The following CCAR2 variants were observed in gnomAD, a reference collection of about 807,000 sequenced individuals.
The protein encoded by CCAR2 is cell cycle and apoptosis regulator 2.
CCAR2 carries 21 observed loss-of-function variants against 108.1 expected under a neutral mutation model. The ratio of observed to expected loss-of-function variants is 0.19; its 90% confidence interval spans 0.14 to 0.28. The LOEUF is 0.28. Among genes scored for constraint, CCAR2 ranks in the 10% least tolerant of loss-of-function variants. The pLI is 1.00. For synonymous variants in CCAR2, 577 were observed against 472.8 expected, an observed-to-expected ratio of 1.22 and a Z score of -2.86; for missense variants, 1,126 against 1,177.0, an observed-to-expected ratio of 0.96 and a Z score of 0.63.
chr8:22,617,456 G>T lies in CCAR2; in HGVS notation c.1882G>T (p.Gly628Trp), dbSNP rs1208715092. Residue 628 changes from glycine (G) to tryptophan (W), a missense_variant, in exon 15 of 21, where the codon GGG becomes TGG. Physicochemically the swap from Gly to Trp is radical, Grantham distance 184. Coordinates refer to ENST00000308511, the MANE Select transcript of CCAR2 (RefSeq NM_001393997.1). The stretch of plus-strand genomic sequence containing the variant: ...GCTTTTGCCCAAACCACTCTCTTCT[G>T]GGGGAGAGGAAGAAGAAAAACCCCG... The part of the protein sequence containing the change: ...DGLLPKPLSS[G>W]GEEEEKPRGE... The T allele has an allele frequency of 6.3e-7, 1 of 1,597,726 alleles. No homozygotes were observed. Among genetic ancestry groups the T allele is most frequent in the Non-Finnish European group, 8.5e-7 (1 of 1,172,378 alleles).
rs36086286 is a variant in CCAR2, at chr8:22,616,866, C to CTT, written c.1846-525_1846-524dup. On this transcript the variant is annotated intron_variant, in intron 14 of 20. Coordinates refer to ENST00000308511, the MANE Select transcript of CCAR2 (RefSeq NM_001393997.1). ...AAACCTTTTCTAAAATACTAGTCTG[C>CTT]TTTTTTTTTTTTTTTTTTTTTTTTT... 9.6e-3 allele frequency among the ~76,000 whole-genome samples: 528 copies of CTT among 54,732 alleles called. 130 individuals carry two copies. Among genetic ancestry groups the CTT allele is most frequent in the East Asian group, 0.019 (29 of 1,548 alleles). 35.9% of individuals were successfully genotyped at this position (54,732 alleles called of 152,430 possible).
chr8:22,615,125 C>T (rs952551858), intron 11 of CCAR2, 124 bp downstream of exon 11: 9 of 1,282,904 alleles, frequency 7.0e-6, no homozygotes, highest in Admixed American at 5.7e-5. Context: ...GTTCCTTCCC[C>T]CTCTGGTGCC....
chr8:22,612,317 G>C (rs1442185048), intron 7 of CCAR2, among the ~76,000 whole-genome samples: 1 of 151,034 alleles, frequency 6.6e-6, no homozygotes, highest in Non-Finnish European at 1.5e-5. Context: ...CACCAGGCTG[G>C]AGTGCAGTGG....
chr8:22,607,530 C>T (rs141530553), intron 6 of CCAR2, among the ~76,000 whole-genome samples: 1,626 of 147,074 alleles, frequency 0.011, 33 homozygotes, highest in East Asian at 0.063. Flanking sequence ...TGCAATGACA[C>T]GATCTCGGCT....
In CCAR2 at chr8:22,606,086, C is replaced by A. The variant is rs202154543; in HGVS notation, c.60C>A (p.Gly20=). The A allele has an allele frequency of 5.0e-6, 8 of 1,613,408 alleles. No homozygotes were observed. Among genetic ancestry groups the A allele is most frequent in the Non-Finnish European group, 6.8e-6 (8 of 1,179,430 alleles). ...GAGATTGCTTCTCTTTCCCCATAGG[C>A]ACAGCTTCAACATCTCTTCTGGGCC... The part of the protein sequence containing the change: ...NPLPGGRNFS[G]TASTSLLGPP... Residue 20 remains glycine, a splice_region_variant and synonymous_variant, in exon 3 of 21, where the codon GGC becomes GGA. Coordinates refer to ENST00000308511, the MANE Select transcript of CCAR2 (RefSeq NM_001393997.1).
rs1212285193 is a variant in CCAR2 at position 22,616,032 on chromosome 8, G to A, written c.1629G>A (p.Leu543=). The A allele has an allele frequency of 1.2e-6, 2 of 1,613,962 alleles. No homozygotes were observed. The highest frequency in any genetic ancestry group is 2.7e-5 in the African/African-American group (2 of 74,904). The change falls in exon 14 of 21, where the codon CTG becomes CTA. Residue 543 remains leucine, a synonymous_variant. Transcript: ENST00000308511. ...ATCAGGTGATGGTGCTGGCCGAGCT[G>A]TTTCTGGAGATGCTCCAGAGGGATT... is the stretch of plus-strand genomic sequence containing the variant. ...ISFEVMVLAE[L]FLEMLQRDFG...
At position 22,613,262 on chromosome 8, in the gene CCAR2, A is replaced by T. The variant is rs532272329; in HGVS notation, c.704+126A>T. ...CCTTTTCTTACAAAACGAAAAGCAC[A>T]TGGAAACCTGTTGTACATACTGTTT... On this transcript the variant is annotated intron_variant, in intron 8 of 20. Coordinates refer to ENST00000308511, the MANE Select transcript of CCAR2 (RefSeq NM_001393997.1). The T allele has an allele frequency of 6.6e-6, 7 of 1,058,078 alleles. No homozygotes were observed. In the African/African-American group the frequency reaches 1.1e-4, roughly 17 times the overall value. 65.5% of individuals were successfully genotyped at this position (1,058,078 alleles called of 1,614,324 possible). A position where few individuals can be genotyped will look rare whatever the true frequency, so the allele number is the denominator to read the frequency against.
chr8:22,610,590 A>G (rs1801234422), intron 7 of CCAR2, among the ~76,000 whole-genome samples: 1 of 152,228 alleles, frequency 6.6e-6, no homozygotes, highest in South Asian at 2.1e-4. Context: ...TGGGTCTTCT[A>G]TTAGAAACAT....
At chr8:22,610,357 T>A (rs6986550) in intron 7 of CCAR2, among the ~76,000 whole-genome samples, 62,624 of 152,132 alleles carry the variant, frequency 0.41, 13,824 homozygotes, top group African/African-American at 0.57. Flanking sequence ...TCCATTGAGC[T>A]GCTACTGCTG....
At chr8:22,617,167 T>TATCA (rs1177000795) in intron 14 of CCAR2, among the ~76,000 whole-genome samples, 2 of 152,000 alleles carry the variant, frequency 1.3e-5, no homozygotes, top group Non-Finnish European at 2.9e-5. Flanking sequence ...GTTTAAATAC[T>TATCA]ATCAATCAAA....
downstream of CCAR2, chr8:22,621,475 TCTCCCG>T (rs767672797): frequency 5.0e-6 from 8 of 1,613,748 alleles, no homozygotes; most frequent in Admixed American, 3.3e-5. Context: ...TTGGCCTCGT[TCTCCCG>T]CTCCCGCTGC....
chr8:22,608,671 C>G (rs944981493), intron 7 of CCAR2, among the ~76,000 whole-genome samples: 1 of 152,160 alleles, frequency 6.6e-6, no homozygotes, highest in African/African-American at 2.4e-5. Flanking sequence ...CATGCTGTCC[C>G]GTCTTCTCTC....
At position 22,619,187 on chromosome 8, in the gene CCAR2, C is replaced by T. The variant is rs1801650729; in HGVS notation, c.2559C>T (p.Thr853=). ...SHNRFSATEV[T]NKTLAAEMQE... The stretch of plus-strand genomic sequence containing the variant: ...ACCGTTTCTCAGCCACTGAAGTAAC[C>T]AATAAGACGCTGGCGGCAGAGATGC... The change falls in exon 20 of 21, where the codon ACC becomes ACT. Residue 853 remains threonine, a synonymous_variant. Coordinates refer to ENST00000308511, the MANE Select transcript of CCAR2 (RefSeq NM_001393997.1). 1 of 1,596,350 alleles carries T rather than the reference C, an allele frequency of 6.3e-7. No homozygotes were observed. The highest frequency in any genetic ancestry group is 1.1e-5 in the South Asian group (1 of 89,250).
At position 22,617,414 on chromosome 8, in the gene CCAR2, C is replaced by G; in HGVS notation, c.1846-6C>G. 1 of 1,531,428 alleles carries G rather than the reference C, an allele frequency of 6.5e-7. No homozygotes were observed. The highest frequency in any genetic ancestry group is 2.3e-5 in the East Asian group (1 of 44,128). 94.9% of individuals were successfully genotyped at this position (1,531,428 alleles called of 1,614,324 possible). A position where few individuals can be genotyped will look rare whatever the true frequency, so the allele number is the denominator to read the frequency against. On this transcript the variant is annotated splice_region_variant and splice_polypyrimidine_tract_variant and intron_variant, in intron 14 of 20. Coordinates refer to ENST00000308511, the MANE Select transcript of CCAR2 (RefSeq NM_001393997.1). Reference sequence around the variant, plus strand: ...TTTTCCTTATAACCTTTGTCTGCCTCTGTAGAAGGAGGATGGGCTTTTGCC... The same window carrying G: ...TTTTCCTTATAACCTTTGTCTGCCTGTGTAGAAGGAGGATGGGCTTTTGCC...
At position 22,614,465 on chromosome 8, in the gene CCAR2, C is replaced by T. The variant is rs866988858; in HGVS notation, c.1003C>T (p.Pro335Ser). The T allele has an allele frequency of 6.2e-7, 1 of 1,614,138 alleles. No individual in the cohort carries two copies. The highest frequency in any genetic ancestry group is 1.3e-5 in the African/African-American group (1 of 75,034). The stretch of plus-strand genomic sequence containing the variant: ...GCTCTTTGTGGATGACATGGCTGAG[C>T]CAAGGGAGACGCCAGAGCATCCTCT... Reference protein sequence around the residue: ...CMLFVDDMAEPRETPEHPLKQ... With the variant: ...CMLFVDDMAESRETPEHPLKQ... Residue 335 changes from proline to serine, a missense_variant, in exon 10 of 21, where the codon CCA (proline) becomes TCA (serine). Pro to Ser is a moderately conservative substitution (Grantham distance 74, BLOSUM62 -1). This residue lies in a region of CCAR2 where 1,013 missense variants were observed against 993.9 expected (regional missense o/e 1.02). Coordinates refer to ENST00000308511, the MANE Select transcript of CCAR2 (RefSeq NM_001393997.1).
chr8:22,608,105 A>G (rs769005795), intron 7 of CCAR2, 40 bp downstream of exon 7: 3 of 1,419,738 alleles, frequency 2.1e-6, no homozygotes, highest in South Asian at 1.2e-5. Flanking sequence ...ACTTGTTGAC[A>G]CTAACATTCT....
At chr8:22,619,598 T>G (rs200088402) in intron 20 of CCAR2, 40 bp from the exon 21 acceptor site, 14 of 1,549,654 alleles carry the variant, frequency 9.0e-6, no homozygotes, top group Non-Finnish European at 1.1e-5. Flanking sequence ...CAGATCACCT[T>G]GCCAGGCCCG....
chr8:22,606,604 C>T lies in CCAR2; in HGVS notation c.151-3C>T. On this transcript the variant is annotated splice_polypyrimidine_tract_variant and splice_region_variant and intron_variant, in intron 3 of 20. Transcript: ENST00000308511. Reference sequence around the variant, plus strand: ...ACTTTTCAGCTGTCTCCTTCTCTTACAGGGTGGGGAGAAACAGCGGGTCTT... The same window carrying T: ...ACTTTTCAGCTGTCTCCTTCTCTTATAGGGTGGGGAGAAACAGCGGGTCTT... 1 of 1,612,092 alleles carries T rather than the reference C, an allele frequency of 6.2e-7. No individual in the cohort carries two copies. Among genetic ancestry groups the T allele is most frequent in the Non-Finnish European group, 8.5e-7 (1 of 1,178,120 alleles).
chr8:22,618,492 G>T lies in CCAR2; in HGVS notation c.2217G>T (p.Glu739Asp), dbSNP rs1226816987. Residue 739 changes from glutamate to aspartate, a missense_variant, in exon 17 of 21, where the codon GAG (glutamate) becomes GAT (aspartate). Physicochemically the swap from Glu to Asp is conservative, Grantham distance 45 (BLOSUM62 2). Coordinates refer to ENST00000308511, the MANE Select transcript of CCAR2 (RefSeq NM_001393997.1). ...CCCTTGGGATCCGGCTCAGTGCAGA[G>T]CAGGTACCTTCTTTCCTCTGCCCCA... ...LLTLGIRLSA[E>D]QAKQLVSRVV... The T allele has an allele frequency of 1.9e-6, 3 of 1,614,234 alleles. No homozygotes were observed. Among genetic ancestry groups the T allele is most frequent in the Non-Finnish European group, 2.5e-6 (3 of 1,180,056 alleles).
Sources: gnomAD v4.1 joint callset for allele counts (sites outside exome capture counted in the v4.1 genomes callset) on GRCh38, gnomAD v4.1.1 for gene constraint, gnomAD v4.1.1 regional missense constraint, MANE v1.5 for transcripts, NCBI Gene and HGNC (gene_info 2026-07-23, HGNC 2026-07-21) for gene names.